Variants in NANS observed in about 807,000 individuals in gnomAD.
NANS encodes N-acetylneuraminate synthase.
Under a neutral mutation model 33.3 loss-of-function variants are expected in NANS, and 29 were observed. That is an observed-to-expected ratio of 0.87 (90% CI 0.65 to 1.19). NANS has a LOEUF of 1.19. Ranked by LOEUF, NANS falls within the 50% of genes most tolerant of loss-of-function variation. NANS has a pLI of 0.00. For synonymous variants in NANS, 163 were observed against 177.2 expected, an observed-to-expected ratio of 0.92 and a Z score of 0.64; for missense variants, 394 against 461.1, an observed-to-expected ratio of 0.85 and a Z score of 1.33.
At chr9:98,058,585 G>A (rs907004952) in intron 1 of NANS, among the ~76,000 whole-genome samples, 6 of 152,168 alleles carry the variant, frequency 3.9e-5, no homozygotes, top group African/African-American at 1.4e-4. Context: ...TTTCCTCTTG[G>A]AATGCCGAAG....
intron 2 of NANS, among the ~76,000 whole-genome samples, chr9:98,063,662 C>T (rs1829051499): frequency 6.6e-6 from 1 of 152,052 alleles, no homozygotes; most frequent in Admixed American, 6.6e-5. Flanking sequence ...CTGTCTCAGC[C>T]TGCTGAGTAG....
At chr9:98,079,800 T>G (rs1829771167) in intron 4 of NANS, among the ~76,000 whole-genome samples, 1 of 152,240 alleles carries the variant, frequency 6.6e-6, no homozygotes, top group African/African-American at 2.4e-5. Context: ...TATCCCATCT[T>G]GGGCCTGCAC....
chr9:98,080,784 TTTAATG>T (rs1249216145), intron 4 of NANS, 26 bp from the exon 5 acceptor site: 1 of 1,545,072 alleles, frequency 6.5e-7, no homozygotes, highest in African/African-American at 1.4e-5. Context: ...CAGCATGATA[TTTAATG>T]TTATTTTTCT....
intron 4 of NANS, 54 bp downstream of exon 4, chr9:98,078,401 T>C (rs2117971837): frequency 1.3e-6 from 2 of 1,565,632 alleles, no homozygotes; most frequent in South Asian, 1.2e-5. Context: ...GGGGAAGGCG[T>C]AGTCTTTTTT....
At chr9:98,058,009 G>A (rs1828878925) in intron 1 of NANS, among the ~76,000 whole-genome samples, 1 of 130,694 alleles carries the variant, frequency 7.7e-6, no homozygotes, top group South Asian at 2.5e-4. Flanking sequence ...TGCAACCTCT[G>A]CCTCCCAGGC....
Position 98,079,993 on chromosome 9 carries a change from C to T in NANS, c.604-823C>T, listed in dbSNP as rs144038546. ...CTTTGGGAGGCTGAGGCAGGTGGAC[C>T]GCTTGAGGCCAGGAGCTTGAGACCA... On this transcript the variant is annotated intron_variant, in intron 4 of 5. Coordinates refer to ENST00000210444, the MANE Select transcript of NANS (RefSeq NM_018946.4). Among the ~76,000 whole-genome samples the T allele has an allele frequency of 5.1e-3, 774 of 152,298 alleles. 3 individuals are homozygous for T. Among genetic ancestry groups the T allele is most frequent in the African/African-American group, 0.017 (724 of 41,568 alleles).
At chr9:98,062,733 T>C (rs1343710449) in intron 2 of NANS, among the ~76,000 whole-genome samples, 2 of 151,486 alleles carry the variant, frequency 1.3e-5, no homozygotes, top group Non-Finnish European at 2.9e-5. Flanking sequence ...TGTACTATAC[T>C]GTACCTAACC....
At chr9:98,067,363 G>A (rs370852833) in intron 2 of NANS, among the ~76,000 whole-genome samples, 301 of 152,254 alleles carry the variant, frequency 2.0e-3, no homozygotes, top group African/African-American at 6.9e-3. Context: ...CACCATTCCC[G>A]CCAGCAGGGT....
At position 98,082,072 on chromosome 9, in the gene NANS, GAT is replaced by G. The variant is rs1480044184; in HGVS notation, c.871-770_871-769del. On this transcript the variant is annotated intron_variant, in intron 5 of 5. Coordinates refer to ENST00000210444, the MANE Select transcript of NANS (RefSeq NM_018946.4). ...TGATTCCTTGTACTCTTACGTGGAG[GAT>G]ATAGAGTAATAAAACACGTAATTTA... 3 of 152,118 alleles carry G rather than the reference GAT, an allele frequency of 2.0e-5. No homozygotes were observed. In the East Asian group the frequency reaches 5.8e-4, roughly 29 times the overall value. 9.4% of individuals were successfully genotyped at this position (152,118 alleles called of 1,614,324 possible).
At chr9:98,059,758 C>T (rs548932759) in intron 1 of NANS, among the ~76,000 whole-genome samples, 10 of 151,800 alleles carry the variant, frequency 6.6e-5, no homozygotes, top group Admixed American at 2.6e-4. Context: ...TCAAACAATC[C>T]GGCTTTTATA....
At chr9:98,082,496 T>C (rs1829917228) in intron 5 of NANS, among the ~76,000 whole-genome samples, 1 of 152,228 alleles carries the variant, frequency 6.6e-6, no homozygotes, top group Non-Finnish European at 1.5e-5. Flanking sequence ...CATTCTGTAA[T>C]ATCACCAATC....
chr9:98,069,951 C>T (rs1290151695), intron 2 of NANS, among the ~76,000 whole-genome samples: 5 of 152,164 alleles, frequency 3.3e-5, no homozygotes, highest in Admixed American at 6.5e-5. Flanking sequence ...TTGTCAATGT[C>T]ATTCACCCAG....
rs776067756 is a variant in NANS at position 98,065,359 on chromosome 9, C to T, written c.348+4362C>T. Among the ~76,000 whole-genome samples the T allele has an allele frequency of 1.4e-4, 18 of 131,086 alleles. 1 individual carries two copies. The highest frequency in any genetic ancestry group is 5.3e-4 in the African/African-American group (17 of 32,182). The allele number at this position is 131,086 out of a possible 152,430, so 86.0% of individuals were successfully genotyped here. A position where few individuals can be genotyped will look rare whatever the true frequency, so the allele number is the denominator to read the frequency against. ...CAGAGTTTCGTTATTGTTGCCCAGG[C>T]TGGAGTGCAATCAATGGTGCAATCT... On this transcript the variant is annotated intron_variant, in intron 2 of 5. Coordinates refer to ENST00000210444, the MANE Select transcript of NANS (RefSeq NM_018946.4).
chr9:98,057,613 G>C (rs1828864437), intron 1 of NANS, among the ~76,000 whole-genome samples: 1 of 152,122 alleles, frequency 6.6e-6, no homozygotes, highest in African/African-American at 2.4e-5. Context: ...TTCTCAGATA[G>C]AGCTCTGAGC....
chr9:98,075,645 C>CTAATGGTGACTTAGAAA (rs1157641140), intron 2 of NANS: 1 of 152,160 alleles, frequency 6.6e-6, no homozygotes, highest in African/African-American at 2.4e-5. Flanking sequence ...TAACTTATTT[C>CTAATGGTGACTTAGAAA]TGAGTCACCA....
chr9:98,061,182 A>G, intron 2 of NANS, 185 bp downstream of exon 2: 1 of 614,054 alleles, frequency 1.6e-6, no homozygotes, highest in South Asian at 2.0e-5. Context: ...TGTTTTAAAA[A>G]CACATTGTCT....
intron 2 of NANS, among the ~76,000 whole-genome samples, chr9:98,073,708 A>G (rs748601921): frequency 6.6e-6 from 1 of 152,042 alleles, no homozygotes; most frequent in Non-Finnish European, 1.5e-5. Context: ...AGCAGTTCCC[A>G]GAGTGTCCCA....
intron 1 of NANS, among the ~76,000 whole-genome samples, chr9:98,060,534 G>A (rs946899839): frequency 2.0e-5 from 3 of 152,186 alleles, no homozygotes; most frequent in East Asian, 3.8e-4. Flanking sequence ...GCCGGGTGTC[G>A]TGGTGGGTGC....
intron 2 of NANS, among the ~76,000 whole-genome samples, chr9:98,067,216 C>T (rs906140610): frequency 6.6e-6 from 1 of 152,124 alleles, no homozygotes; most frequent in African/African-American, 2.4e-5. Context: ...CTGCTGTGAG[C>T]TTTTATGTAC....
Sources: allele counts gnomAD v4.1 joint callset (sites outside exome capture counted in the v4.1 genomes callset), GRCh38; gene constraint gnomAD v4.1.1; transcripts MANE v1.5; gene names NCBI Gene and HGNC (gene_info 2026-07-23, HGNC 2026-07-21).